The following PRIM2 variants were observed in gnomAD, a reference collection of about 807,000 sequenced individuals.
PRIM2 encodes the protein DNA primase subunit 2, also known as DNA primase large subunit.
A neutral mutation model predicts 67.3 loss-of-function variants in PRIM2; 39 were observed. The observed-to-expected ratio is 0.58, with a 90% CI of 0.45 to 0.76. PRIM2 has a LOEUF of 0.76. Ranked by LOEUF, PRIM2 falls within the 30% of genes least tolerant of loss-of-function variation. The pLI, the probability that PRIM2 is intolerant of heterozygous loss-of-function variation, is 0.00. For synonymous variants in PRIM2, 143 were observed against 198.7 expected, an observed-to-expected ratio of 0.72 and a Z score of 2.36; for missense variants, 398 against 598.7, an observed-to-expected ratio of 0.66 and a Z score of 3.50.
At chr6:57,336,253 G>A (rs1338771046) in intron 5 of PRIM2, among the ~76,000 whole-genome samples, 6 of 152,100 alleles carry the variant, frequency 3.9e-5, no homozygotes, top group South Asian at 2.1e-4. Flanking sequence ...TGAAAGTGAC[G>A]GGGAGAATGG....
intron 12 of PRIM2, among the ~76,000 whole-genome samples, chr6:57,612,813 TAGAC>T (rs1471019335): frequency 1.4e-5 from 2 of 139,490 alleles, no homozygotes; most frequent in African/African-American, 2.7e-5. Context: ...TTTTTTTAAA[TAGAC>T]AGGGTCTTGC....
chr6:57,638,862 A>G (rs1412643049), intron 13 of PRIM2, among the ~76,000 whole-genome samples: 215 of 152,316 alleles, frequency 1.4e-3, no homozygotes, highest in African/African-American at 4.8e-3. Flanking sequence ...ACAGAAAATT[A>G]ACAAGGATAT....
intron 10 of PRIM2, among the ~76,000 whole-genome samples, chr6:57,571,607 G>A (rs1443744753): frequency 3.3e-5 from 5 of 152,132 alleles, no homozygotes; most frequent in African/African-American, 9.7e-5. Flanking sequence ...CCGAGATAGT[G>A]CCACTGCACT....
chr6:57,639,521 GAAA>G (rs1231681455), intron 13 of PRIM2, among the ~76,000 whole-genome samples: 1 of 151,296 alleles, frequency 6.6e-6, no homozygotes, highest in African/African-American at 2.4e-5. Context: ...TAACAAAGAA[GAAA>G]AGAGAGAAGA....
At chr6:57,615,438 A>G (rs1394168248) in intron 12 of PRIM2, among the ~76,000 whole-genome samples, 19 of 151,926 alleles carry the variant, frequency 1.3e-4, no homozygotes, top group African/African-American at 4.1e-4. Context: ...AAAAAAAAAA[A>G]AATTGAGAAT....
chr6:57,401,140 G>A (rs1029918505), intron 7 of PRIM2, among the ~76,000 whole-genome samples: 1 of 152,144 alleles, frequency 6.6e-6, no homozygotes, highest in African/African-American at 2.4e-5. Context: ...TTGTTGGAGG[G>A]CTGATGTGGT....
intron 10 of PRIM2, among the ~76,000 whole-genome samples, chr6:57,542,964 G>C (rs1728836148): frequency 1.2e-4 from 2 of 16,684 alleles, no homozygotes; most frequent in Non-Finnish European, 2.3e-4. Context: ...TTTTTGAGAC[G>C]GAGTCTCGCT....
chr6:57,223,721 T>C, the PRIM2 span, among the ~76,000 whole-genome samples: 4 of 152,052 alleles, frequency 2.6e-5, no homozygotes, highest in East Asian at 7.7e-4. Context: ...GAAAAGAGAC[T>C]CAAGGTCACT....
chr6:57,287,081 T>C, the PRIM2 span, among the ~76,000 whole-genome samples: 1 of 152,182 alleles, frequency 6.6e-6, no homozygotes, highest in Non-Finnish European at 1.5e-5. Context: ...CCTGTTAGAA[T>C]GGTAATCGTT....
intron 7 of PRIM2, among the ~76,000 whole-genome samples, chr6:57,413,852 T>C (rs545485361): frequency 4.6e-5 from 7 of 152,240 alleles, no homozygotes; most frequent in African/African-American, 1.7e-4. Context: ...ATTTATCTCA[T>C]CTATGCAGTA....
rs1351597917 is a variant in PRIM2, at chr6:57,636,412, C to T, written c.1299+4211C>T. Among the ~76,000 whole-genome samples the T allele has an allele frequency of 6.5e-4, 99 of 152,128 alleles. 1 individual carries two copies. Among genetic ancestry groups the T allele is most frequent in the Middle Eastern group, 6.8e-3 (2 of 294 alleles). ...TAGTTTATGCTCTTCCCCTTCCCCCCACATACAAAAAAACCCCTAAGTTTA... is the reference window on the plus strand; with the variant it reads ...TAGTTTATGCTCTTCCCCTTCCCCCTACATACAAAAAAACCCCTAAGTTTA... On this transcript the variant is annotated intron_variant, in intron 13 of 13. Transcript: ENST00000615550.
intron 5 of PRIM2, among the ~76,000 whole-genome samples, chr6:57,374,314 G>A (rs1769674649): frequency 1.5e-5 from 1 of 65,900 alleles, no homozygotes; most frequent in Non-Finnish European, 3.3e-5. Context: ...TTTTTTTTGA[G>A]ACGGAGTTTC....
chr6:57,494,385 C>T (rs1554346221), intron 7 of PRIM2, among the ~76,000 whole-genome samples: 37 of 152,042 alleles, frequency 2.4e-4, no homozygotes, highest in Middle Eastern at 3.4e-3. Flanking sequence ...TTTTCTTTAC[C>T]GTAGAATCTA....
At chr6:57,297,974 CTT>C in the PRIM2 span, among the ~76,000 whole-genome samples, 1 of 152,142 alleles carries the variant, frequency 6.6e-6, no homozygotes. Flanking sequence ...GGGACAATGT[CTT>C]TGGGGATAGC....
At chr6:57,623,528 A>C (rs1776894973) in intron 12 of PRIM2, among the ~76,000 whole-genome samples, 1 of 152,194 alleles carries the variant, frequency 6.6e-6, no homozygotes, top group Non-Finnish European at 1.5e-5. Context: ...ATTACATGAA[A>C]AATCACTGAT....
chr6:57,410,106 G>T (rs536427332), intron 7 of PRIM2, among the ~76,000 whole-genome samples: 1 of 152,046 alleles, frequency 6.6e-6, no homozygotes, highest in Non-Finnish European at 1.5e-5. Context: ...ATCACATGAG[G>T]TCAGGAGTTT....
intron 7 of PRIM2, among the ~76,000 whole-genome samples, chr6:57,501,819 A>G (rs1554346902): frequency 0.013 from 1,954 of 152,328 alleles, 40 homozygotes; most frequent in African/African-American, 0.043. Context: ...ATTTGAATAC[A>G]GTCATATTTA....
chr6:57,577,784 A>G (rs1169831856), intron 10 of PRIM2, among the ~76,000 whole-genome samples: 3 of 152,336 alleles, frequency 2.0e-5, no homozygotes, highest in South Asian at 2.1e-4. Flanking sequence ...CAAAAACAAT[A>G]CAAAGAGTTC....
At chr6:57,534,633 C>CTTCT (rs1323803120) in intron 9 of PRIM2, among the ~76,000 whole-genome samples, 8 of 152,206 alleles carry the variant, frequency 5.3e-5, no homozygotes, top group Non-Finnish European at 1.0e-4. Flanking sequence ...TCACATCAGT[C>CTTCT]TTCTGGTCAG....
Sources: allele counts gnomAD v4.1 joint callset (sites outside exome capture counted in the v4.1 genomes callset), GRCh38; gene constraint gnomAD v4.1.1; transcripts MANE v1.5; gene names NCBI Gene and HGNC (gene_info 2026-07-23, HGNC 2026-07-21).